Variants in ANO3 observed in about 807,000 individuals in gnomAD.
The protein encoded by ANO3 is anoctamin 3.
ANO3 carries 99 observed loss-of-function variants against 144.8 expected under a neutral mutation model. The observed-to-expected ratio is 0.68, with a 90% CI of 0.58 to 0.81. The LOEUF (loss-of-function observed/expected upper bound fraction) is 0.81, where lower values mean the gene tolerates loss of function less well. Ranked by LOEUF, ANO3 falls within the 30% of genes least tolerant of loss-of-function variation. ANO3 has a pLI of 0.00. For synonymous variants in ANO3, 414 were observed against 392.6 expected (o/e 1.05, Z -0.64); for missense variants, 905 against 1,202.2 (o/e 0.75, Z 3.66).
chr11:26,597,755 C>T (rs556793374), intron 14 of ANO3, among the ~76,000 whole-genome samples: 6 of 151,926 alleles, frequency 3.9e-5, no homozygotes, highest in African/African-American at 1.2e-4. Flanking sequence ...AGATAGAGCC[C>T]GTCTAGAAAA....
intron 1 of ANO3, among the ~76,000 whole-genome samples, chr11:26,370,201 C>T (rs1000945423): frequency 2.0e-5 from 3 of 152,148 alleles, no homozygotes; most frequent in Non-Finnish European, 2.9e-5. Flanking sequence ...TGGTTTTCCC[C>T]ATGCTATTCT....
At chr11:26,421,919 G>A (rs11825428) in intron 1 of ANO3, among the ~76,000 whole-genome samples, 24,360 of 151,956 alleles carry the variant, frequency 0.16, 2,146 homozygotes, top group South Asian at 0.31. Flanking sequence ...AACACATAGA[G>A]GGGAACAACA....
At chr11:26,195,064 C>G (rs886328765) in intron 1 of ANO3, among the ~76,000 whole-genome samples, 17 of 152,112 alleles carry the variant, frequency 1.1e-4, no homozygotes, top group African/African-American at 3.9e-4. Context: ...TGTGGGCATT[C>G]CTGTTTTTCT....
intron 1 of ANO3, among the ~76,000 whole-genome samples, chr11:26,302,953 A>G (rs11029507): frequency 0.02 from 2,972 of 152,304 alleles, 63 homozygotes; most frequent in East Asian, 0.12. Flanking sequence ...CCTCAACATC[A>G]CTAATCATCA....
intron 1 of ANO3, among the ~76,000 whole-genome samples, chr11:26,356,784 C>A (rs933119921): frequency 2.0e-5 from 3 of 152,128 alleles, no homozygotes; most frequent in Non-Finnish European, 4.4e-5. Context: ...AATCCATTTT[C>A]CTGCCTTTTT....
chr11:26,644,802 T>C (rs1007574224), intron 23 of ANO3, among the ~76,000 whole-genome samples: 1 of 136,748 alleles, frequency 7.3e-6, no homozygotes. Context: ...CCTATATTTA[T>C]TGGGAATACT....
chr11:26,642,204 CAT>C (rs1853179307), intron 22 of ANO3, among the ~76,000 whole-genome samples, 175 bp downstream of exon 22: 1 of 152,166 alleles, frequency 6.6e-6, no homozygotes, highest in Non-Finnish European at 1.5e-5. Flanking sequence ...GGCAGATTCA[CAT>C]GTTTTATTCT....
chr11:26,558,381 G>A (rs190815144), intron 13 of ANO3, among the ~76,000 whole-genome samples: 123 of 152,170 alleles, frequency 8.1e-4, no homozygotes, highest in Non-Finnish European at 1.4e-3. Context: ...AAAACAGACA[G>A]CTGTTCAGCT....
At chr11:26,204,313 A>G (rs1430058889) in intron 1 of ANO3, among the ~76,000 whole-genome samples, 1 of 151,946 alleles carries the variant, frequency 6.6e-6, no homozygotes, top group Non-Finnish European at 1.5e-5. Context: ...CTAAGTACCC[A>G]CTTATCCCCC....
rs768382940 is a variant in ANO3 at position 26,443,788 on chromosome 11, G to A, written c.265G>A (p.Asp89Asn). The A allele has an allele frequency of 3.7e-6, 6 of 1,607,688 alleles. No individual in the cohort carries two copies. Among genetic ancestry groups the A allele is most frequent in the East Asian group, 2.2e-5 (1 of 44,712 alleles). Residue 89 changes from aspartate (D) to asparagine (N), a missense_variant, in exon 3 of 27, where the codon GAC (aspartate) becomes AAC (asparagine). Asp to Asn is a conservative substitution (Grantham distance 23). This residue lies in a region of ANO3 where 174 missense variants were observed against 171.9 expected (regional missense o/e 1.01). Transcript: ENST00000256737. Reference sequence around the variant, plus strand: ...AGTTAATACTGAGGAGAATAAAAACGACTCTGTGCTGAGATGTTCATTTGC... The same window carrying A: ...AGTTAATACTGAGGAGAATAAAAACAACTCTGTGCTGAGATGTTCATTTGC... ...EQVNTEENKN[D>N]SVLRCSFADL... is the part of the protein sequence containing the mutation.
intron 3 of ANO3, among the ~76,000 whole-genome samples, chr11:26,456,204 A>C (rs912209062): frequency 6.6e-6 from 1 of 152,354 alleles, no homozygotes; most frequent in South Asian, 2.1e-4. Context: ...TAATGGCAAC[A>C]GAAGCCAAAA....
intron 14 of ANO3, among the ~76,000 whole-genome samples, chr11:26,571,031 A>T (rs891644975): frequency 2.0e-5 from 3 of 152,118 alleles, no homozygotes; most frequent in Non-Finnish European, 2.9e-5. Context: ...AACAAATTTC[A>T]GAAGTTTGAG....
chr11:26,326,022 C>T lies in ANO3; in HGVS notation c.-3+16303C>T, dbSNP rs575214757. ...AATGCACTCTTTCCACATATCTCTG[C>T]TAAGTCAAGAAGAGGCCCTCCATGA... On this transcript the variant is annotated intron_variant, in intron 1 of 26. Transcript: ENST00000525139. Among the ~76,000 whole-genome samples, 217 of 152,234 alleles carry T rather than the reference C, an allele frequency of 1.4e-3. 1 individual carries two copies. The highest frequency in any genetic ancestry group is 5.0e-3 in the African/African-American group (207 of 41,548).
intron 1 of ANO3, among the ~76,000 whole-genome samples, chr11:26,203,693 G>A (rs1007987710): frequency 1.3e-5 from 2 of 152,054 alleles, no homozygotes; most frequent in Non-Finnish European, 2.9e-5. Context: ...ATTCACATGT[G>A]AGTTTTATCT....
chr11:26,476,903 A>ATGTGTG (rs61676196), intron 4 of ANO3, among the ~76,000 whole-genome samples: 60 of 141,518 alleles, frequency 4.2e-4, no homozygotes, highest in East Asian at 1.9e-3. Context: ...GTGTGTGTGT[A>ATGTGTG]TGTGTGTGTG....
chr11:26,348,530 A>T (rs1222706398), intron 1 of ANO3, among the ~76,000 whole-genome samples: 1 of 152,246 alleles, frequency 6.6e-6, no homozygotes, highest in Non-Finnish European at 1.5e-5. Context: ...TATTATAAAG[A>T]TGGCCAATAA....
At chr11:26,658,159 G>T (rs1250347440) in intron 26 of ANO3, among the ~76,000 whole-genome samples, 1 of 152,032 alleles carries the variant, frequency 6.6e-6, no homozygotes, top group Non-Finnish European at 1.5e-5. Context: ...TTTCATTCTC[G>T]TGCACATAGA....
intron 1 of ANO3, among the ~76,000 whole-genome samples, chr11:26,413,389 T>C (rs1857485013): frequency 6.6e-6 from 1 of 152,046 alleles, no homozygotes. Context: ...AAGGTAAGGA[T>C]GCCATGCATT....
chr11:26,493,415 A>G (rs1341221864), intron 4 of ANO3, among the ~76,000 whole-genome samples: 1 of 152,120 alleles, frequency 6.6e-6, no homozygotes, highest in African/African-American at 2.4e-5. Context: ...GCTAAAAGAT[A>G]AGCATAGTTT....
Sources: allele counts gnomAD v4.1 joint callset (sites outside exome capture counted in the v4.1 genomes callset), GRCh38; gene constraint gnomAD v4.1.1; regional missense constraint gnomAD v4.1.1; transcripts MANE v1.5; gene names NCBI Gene and HGNC (gene_info 2026-07-23, HGNC 2026-07-21).